Variants in DCLK1 observed in about 807,000 individuals in gnomAD.
DCLK1 encodes serine/threonine-protein kinase DCLK1.
Under a neutral mutation model 86.2 loss-of-function variants are expected in DCLK1, and 16 were observed. The ratio of observed to expected loss-of-function variants is 0.19; its 90% CI spans 0.13 to 0.28. DCLK1 has a LOEUF of 0.28. DCLK1 is among the 10% of genes least tolerant of loss of function. DCLK1 has a pLI of 1.00. For missense variants in DCLK1, 590 were observed against 940.2 expected, an observed-to-expected ratio of 0.63 and a Z score of 4.87; for synonymous variants, 369 against 370.5, an observed-to-expected ratio of 1.00 and a Z score of 0.05.
intron 10 of DCLK1, among the ~76,000 whole-genome samples, chr13:35,824,938 C>T (rs1298976779): frequency 1.2e-4 from 18 of 152,120 alleles, no homozygotes; most frequent in Non-Finnish European, 1.9e-4. Context: ...AGTGTCCCAT[C>T]CCCTCCCCTT....
intron 2 of DCLK1, among the ~76,000 whole-genome samples, chr13:36,115,390 T>C (rs1885749218): frequency 6.6e-6 from 1 of 152,186 alleles, no homozygotes; most frequent in Non-Finnish European, 1.5e-5. Context: ...GCCCAAAATT[T>C]GCTTTGGAAG....
chr13:36,044,695 A>C (rs1882814750), intron 3 of DCLK1, among the ~76,000 whole-genome samples: 1 of 152,144 alleles, frequency 6.6e-6, no homozygotes, highest in Admixed American at 6.6e-5. Context: ...AAATGTAAAC[A>C]CTACTGACTA....
At chr13:35,822,619 T>G in intron 11 of DCLK1, 110 bp downstream of exon 11, 2 of 1,499,972 alleles carry the variant, frequency 1.3e-6, no homozygotes, top group South Asian at 1.2e-5. Context: ...AACTGGAAAT[T>G]AACCTTTCAG....
At chr13:35,869,163 A>G in intron 5 of DCLK1, 2 of 504,312 alleles carry the variant, frequency 4.0e-6, no homozygotes, top group South Asian at 1.5e-5. Context: ...CACAGAGCTC[A>G]ATATTAACCT....
chr13:35,852,066 C>T (rs1186969299), intron 6 of DCLK1, among the ~76,000 whole-genome samples: 1 of 151,762 alleles, frequency 6.6e-6, no homozygotes, highest in Non-Finnish European at 1.5e-5. Context: ...GGCCATGTTG[C>T]TAGGCAACAC....
rs1206906026 is a variant in DCLK1, at chr13:35,774,449, A to C, written c.*86T>G. 3 of 1,474,178 alleles carry C rather than the reference A, an allele frequency of 2.0e-6. No homozygotes were observed. The highest frequency in any genetic ancestry group is 1.8e-6 in the Non-Finnish European group (2 of 1,088,364). 91.3% of individuals were successfully genotyped at this position (1,474,178 alleles called of 1,614,324 possible). A position where few individuals can be genotyped will look rare whatever the true frequency, so the allele number is the denominator to read the frequency against. On this transcript the variant is annotated 3_prime_UTR_variant, in exon 17 of 17. Transcript: ENST00000360631. ...TCAAGCATTGAGCGCTAGATAGATC[A>C]GATGAAACTGTTTTACACAAATTTG...
At chr13:35,856,918 T>C (rs1307722384) in intron 5 of DCLK1, among the ~76,000 whole-genome samples, 2 of 152,182 alleles carry the variant, frequency 1.3e-5, no homozygotes, top group East Asian at 3.9e-4. Context: ...TGATGAGTCA[T>C]TTCACAAGCA....
At chr13:35,861,264 A>G (rs1391763029) in intron 5 of DCLK1, among the ~76,000 whole-genome samples, 1 of 152,208 alleles carries the variant, frequency 6.6e-6, no homozygotes, top group Non-Finnish European at 1.5e-5. Context: ...TAAACAATAA[A>G]AAAAGACCAA....
chr13:36,002,269 T>A (rs1450375054), intron 3 of DCLK1, among the ~76,000 whole-genome samples: 1 of 152,186 alleles, frequency 6.6e-6, no homozygotes, highest in Non-Finnish European at 1.5e-5. Context: ...GCTGGTAACT[T>A]CCACATTTTA....
chr13:36,116,647 C>T (rs1348732883), intron 2 of DCLK1, among the ~76,000 whole-genome samples: 2 of 152,158 alleles, frequency 1.3e-5, no homozygotes, highest in East Asian at 3.9e-4. Context: ...GTTACCTCCT[C>T]TAGGCTTCCT....
intron 3 of DCLK1, among the ~76,000 whole-genome samples, chr13:35,978,723 G>A (rs1178599487): frequency 2.0e-5 from 3 of 152,076 alleles, no homozygotes; most frequent in Non-Finnish European, 4.4e-5. Flanking sequence ...TAGACCTCCA[G>A]GAAACTCAAA....
chr13:35,952,417 G>A (rs554652862), intron 3 of DCLK1, among the ~76,000 whole-genome samples: 4 of 152,256 alleles, frequency 2.6e-5, no homozygotes, highest in African/African-American at 9.6e-5. Flanking sequence ...GGTGGGACAC[G>A]GTTTATACCA....
intron 3 of DCLK1, among the ~76,000 whole-genome samples, chr13:35,976,697 A>AT (rs543849181): frequency 0.013 from 1,931 of 146,724 alleles, 35 homozygotes; most frequent in African/African-American, 0.043. Context: ...CGCCCGGCTA[A>AT]TTTTTTTTTT....
intron 3 of DCLK1, among the ~76,000 whole-genome samples, chr13:36,025,427 G>A (rs1172452726): frequency 6.6e-6 from 1 of 152,186 alleles, no homozygotes; most frequent in Non-Finnish European, 1.5e-5. Context: ...ACTTGTACAT[G>A]AATGCTCATG....
At chr13:36,104,804 G>A (rs543546012) in intron 3 of DCLK1, among the ~76,000 whole-genome samples, 4 of 151,794 alleles carry the variant, frequency 2.6e-5, no homozygotes, top group African/African-American at 4.8e-5. Flanking sequence ...GACAATAAAT[G>A]GGATGATAAA....
At chr13:35,809,489 A>G (rs1225117171) in intron 12 of DCLK1, among the ~76,000 whole-genome samples, 2 of 152,220 alleles carry the variant, frequency 1.3e-5, no homozygotes, top group Non-Finnish European at 2.9e-5. Context: ...TAGAGCACTG[A>G]CATACATGAT....
chr13:35,904,385 T>A (rs1183199712), intron 4 of DCLK1, among the ~76,000 whole-genome samples: 1 of 151,990 alleles, frequency 6.6e-6, no homozygotes, highest in Non-Finnish European at 1.5e-5. Flanking sequence ...AGAGACGGGG[T>A]TTCACCGTGT....
intron 3 of DCLK1, among the ~76,000 whole-genome samples, chr13:36,069,305 T>C (rs1264318098): frequency 6.6e-6 from 1 of 152,220 alleles, no homozygotes; most frequent in African/African-American, 2.4e-5. Flanking sequence ...ATCCAAGCGA[T>C]ATTAAATTAA....
intron 3 of DCLK1, among the ~76,000 whole-genome samples, chr13:36,001,020 C>T (rs951691004): frequency 4.6e-5 from 7 of 151,026 alleles, no homozygotes; most frequent in Non-Finnish European, 7.4e-5. Context: ...GTGGTCTCAA[C>T]TCACCACAAC....
Sources: allele counts gnomAD v4.1 joint callset (sites outside exome capture counted in the v4.1 genomes callset), GRCh38; gene constraint gnomAD v4.1.1; transcripts MANE v1.5; gene names NCBI Gene and HGNC (gene_info 2026-07-23, HGNC 2026-07-21).